Variants in ZFHX3 observed in about 807,000 individuals in gnomAD.
ZFHX3 encodes zinc finger homeobox 3, also known as zinc finger homeobox protein 3.
In ZFHX3, 42 loss-of-function variants were observed where a neutral mutation model predicts 279.1. The ratio of observed to expected loss-of-function variants is 0.15; its 90% CI spans 0.12 to 0.19. The LOEUF is 0.19. Ranked by LOEUF, ZFHX3 falls within the 10% of genes least tolerant of loss-of-function variation. The pLI is 1.00. For synonymous variants in ZFHX3, 2,293 were observed against 1,957.8 expected (o/e 1.17, Z -4.52); for missense variants, 4,981 against 4,754.0 (o/e 1.05, Z -1.40).
At chr16:72,818,206 A>T (rs1277032891) in intron 5 of ZFHX3, among the ~76,000 whole-genome samples, 1 of 152,224 alleles carries the variant, frequency 6.6e-6, no homozygotes, top group Non-Finnish European at 1.5e-5. Flanking sequence ...ATTAAATGGA[A>T]GGTGAAATGT....
intron 4 of ZFHX3, among the ~76,000 whole-genome samples, chr16:72,870,023 T>C (rs967005497): frequency 3.3e-5 from 5 of 152,070 alleles, no homozygotes; most frequent in Non-Finnish European, 5.9e-5. Context: ...ATGAACCCAG[T>C]TGAAGGATAC....
intron 2 of ZFHX3, among the ~76,000 whole-genome samples, chr16:73,652,232 G>T (rs1187429771): frequency 1.3e-5 from 2 of 152,190 alleles, no homozygotes; most frequent in East Asian, 1.9e-4. Flanking sequence ...CCACATGTGG[G>T]CAGGAGCTTA....
At chr16:73,379,276 G>A (rs1306591553) in intron 3 of ZFHX3, among the ~76,000 whole-genome samples, 2 of 152,100 alleles carry the variant, frequency 1.3e-5, no homozygotes, top group Non-Finnish European at 2.9e-5. Flanking sequence ...AGCCATTATT[G>A]GGTCATTCTG....
chr16:73,316,090 T>C (rs968991667), intron 4 of ZFHX3, among the ~76,000 whole-genome samples: 3 of 152,148 alleles, frequency 2.0e-5, no homozygotes, highest in African/African-American at 7.2e-5. Flanking sequence ...GGATGTTTTA[T>C]CACAAAGAAG....
intron 4 of ZFHX3, among the ~76,000 whole-genome samples, chr16:73,293,110 C>T (rs1249966092): frequency 3.9e-5 from 6 of 152,150 alleles, no homozygotes; most frequent in Admixed American, 3.9e-4. Context: ...GTGTTTTAGA[C>T]CAACCTACCA....
chr16:72,965,712 G>A (rs1010316287), intron 1 of ZFHX3, among the ~76,000 whole-genome samples: 1 of 151,724 alleles, frequency 6.6e-6, no homozygotes, highest in Non-Finnish European at 1.5e-5. Flanking sequence ...TGTGTGCATC[G>A]TTTTGGAGAA....
intron 4 of ZFHX3, among the ~76,000 whole-genome samples, chr16:72,846,895 C>T (rs1036064598): frequency 6.6e-6 from 1 of 152,148 alleles, no homozygotes; most frequent in Non-Finnish European, 1.5e-5. Flanking sequence ...TTGCCATGGG[C>T]GGTGCTGCAG....
intron 3 of ZFHX3, among the ~76,000 whole-genome samples, chr16:73,383,507 C>T (rs1183276604): frequency 6.6e-6 from 1 of 152,150 alleles, no homozygotes; most frequent in Non-Finnish European, 1.5e-5. Context: ...CGAGAGCTGC[C>T]GGGGAGAGGC....
chr16:73,448,480 G>C (rs2018225428), intron 3 of ZFHX3, among the ~76,000 whole-genome samples: 2 of 152,120 alleles, frequency 1.3e-5, no homozygotes, highest in African/African-American at 4.8e-5. Flanking sequence ...ATAGTATGAA[G>C]TAGACAAGAC....
At chr16:72,792,301 G>C (rs2035734745) in intron 9 of ZFHX3, among the ~76,000 whole-genome samples, 1 of 152,156 alleles carries the variant, frequency 6.6e-6, no homozygotes, top group African/African-American at 2.4e-5. Flanking sequence ...CCTCTGAAAT[G>C]TGCATCAGTA....
intron 1 of ZFHX3, among the ~76,000 whole-genome samples, chr16:73,743,777 G>C (rs140906889): frequency 1.3e-5 from 2 of 151,938 alleles, no homozygotes; most frequent in African/African-American, 4.8e-5. Context: ...GGTATTCCAC[G>C]CTGTCACCTG....
rs1471911833 is a variant in ZFHX3 at position 73,676,001 on chromosome 16, C to T, written c.-1547+4179G>A. Among the ~76,000 whole-genome samples the T allele has an allele frequency of 3.9e-5, 6 of 152,014 alleles. No individual in the cohort carries two copies. The East Asian group carries it at 5.8e-4, about 15-fold the overall frequency. On this transcript the variant is annotated intron_variant, in intron 2 of 17. Transcript: ENST00000641206. ...CACACAAATGTGTGAACTCAGAAAA[C>T]GTACCAACCATCCATCTTTCTTGAA...
intron 1 of ZFHX3, among the ~76,000 whole-genome samples, chr16:73,697,420 C>G (rs551427257): frequency 6.6e-6 from 1 of 152,082 alleles, no homozygotes; most frequent in African/African-American, 2.4e-5. Context: ...CATATATTGA[C>G]CTGTCACTCA....
At chr16:73,574,022 T>C (rs191982873) in intron 2 of ZFHX3, among the ~76,000 whole-genome samples, 74 of 152,252 alleles carry the variant, frequency 4.9e-4, no homozygotes, top group Admixed American at 2.2e-3. Context: ...TTCCTTTCTT[T>C]TGAAATAATG....
Position 73,883,279 on chromosome 16 carries a change from T to C in ZFHX3, c.-1608+8372A>G, listed in dbSNP as rs563092042. 5.5e-4 allele frequency among the ~76,000 whole-genome samples: 84 copies of C among 152,114 alleles called. 1 individual carries two copies. Among genetic ancestry groups the C allele is most frequent in the African/African-American group, 1.7e-3 (71 of 41,526 alleles). ...TGCAGAAACAACTCAGCTTAGAAAA[T>C]ACAAAGTTCAGCTAAACAAAAGGAA... is the stretch of plus-strand genomic sequence containing the variant. On this transcript the variant is annotated intron_variant, in intron 1 of 17. Coordinates refer to the ZFHX3 transcript ENST00000641206.
In ZFHX3 at chr16:72,794,528, C is replaced by A. The variant is rs150499144; in HGVS notation, c.8154G>T (p.Ala2718=). The A allele has an allele frequency of 1.2e-6, 2 of 1,614,066 alleles. No individual in the cohort carries two copies. Among genetic ancestry groups the A allele is most frequent in the Non-Finnish European group, 8.5e-7 (1 of 1,180,054 alleles). The change falls in exon 9 of 10, where the codon GCG becomes GCT. Residue 2718 remains alanine, a synonymous_variant. Transcript: ENST00000268489. The surrounding 1 kb of genome is among the most constrained non-coding windows in gnomAD (Gnocchi z 4.2). ...CAAGAGCAGTCTTGGCTTTGAAGAG[C>A]GCTCTGCAAAAAGGGCATCTCCTGT... ...QAHRRCPFCR[A]LFKAKTALEA...
Position 73,231,624 on chromosome 16 carries a change from G to C in ZFHX3, c.-1104+25423C>G, listed in dbSNP as rs114425945. On this transcript the variant is annotated intron_variant, in intron 5 of 17. Coordinates refer to the ZFHX3 transcript ENST00000641206. ...TGAGAGCGTGAAATGTGTCTAACAGGGACACAGGTTAGATCCTGGTGGTCC... is the reference window on the plus strand; with the variant it reads ...TGAGAGCGTGAAATGTGTCTAACAGCGACACAGGTTAGATCCTGGTGGTCC... Among the ~76,000 whole-genome samples the C allele has an allele frequency of 7.5e-3, 1,141 of 152,270 alleles. 19 individuals are homozygous for C. Among genetic ancestry groups the C allele is most frequent in the African/African-American group, 0.026 (1,074 of 41,546 alleles).
chr16:73,100,804 C>T (rs1402979668), intron 7 of ZFHX3, among the ~76,000 whole-genome samples: 2 of 152,094 alleles, frequency 1.3e-5, no homozygotes, highest in Admixed American at 6.6e-5. Context: ...ACTATGTTGG[C>T]CAGGCTGGTC....
chr16:73,080,067 C>T (rs1040894537), intron 8 of ZFHX3, among the ~76,000 whole-genome samples: 8 of 152,178 alleles, frequency 5.3e-5, no homozygotes, highest in Admixed American at 3.3e-4. Flanking sequence ...GCCTCTGAGT[C>T]CCCTTTGCCT....
Sources: gnomAD v4.1 joint callset for allele counts (sites outside exome capture counted in the v4.1 genomes callset) on GRCh38, gnomAD v4.1.1 for gene constraint, Gnocchi (gnomAD v3.1) non-coding constraint, MANE v1.5 for transcripts, NCBI Gene and HGNC (gene_info 2026-07-23, HGNC 2026-07-21) for gene names.